Variants in STXBP6 observed in about 807,000 individuals in gnomAD.
STXBP6 encodes syntaxin binding protein 6, also known as syntaxin-binding protein 6.
Under a neutral mutation model 26.9 loss-of-function variants are expected in STXBP6, and 21 were observed. The ratio of observed to expected loss-of-function variants is 0.78; its 90% CI spans 0.55 to 1.12. The LOEUF (loss-of-function observed/expected upper bound fraction) is 1.12. Among genes scored for constraint, STXBP6 ranks in the 50% most tolerant of loss-of-function variants. The pLI, the probability that STXBP6 is intolerant of heterozygous loss-of-function variation, is 0.00. For synonymous variants in STXBP6, 97 were observed against 92.6 expected (o/e 1.05, Z -0.27); for missense variants, 232 against 257.9 (o/e 0.90, Z 0.69).
At chr14:24,818,026 T>C (rs1341865856) in intron 5 of STXBP6, 1 of 456,536 alleles carries the variant, frequency 2.2e-6, no homozygotes, top group Non-Finnish European at 4.4e-6. Context: ...TTCTTCTCAT[T>C]GCTTTTTAGG....
At chr14:24,892,466 A>C (rs776340470) in intron 2 of STXBP6, among the ~76,000 whole-genome samples, 2 of 151,924 alleles carry the variant, frequency 1.3e-5, no homozygotes, top group Non-Finnish European at 2.9e-5. Context: ...TCAAGGGGGG[A>C]AATAATTCTG....
At chr14:24,929,882 T>G (rs765811756) in intron 2 of STXBP6, among the ~76,000 whole-genome samples, 2 of 152,156 alleles carry the variant, frequency 1.3e-5, no homozygotes, top group African/African-American at 2.4e-5. Context: ...GCAGAAGGGG[T>G]AGCAGTACCA....
chr14:24,926,413 T>C (rs972876679), intron 2 of STXBP6, among the ~76,000 whole-genome samples: 3 of 152,122 alleles, frequency 2.0e-5, no homozygotes, highest in Non-Finnish European at 4.4e-5. Context: ...CATGTAGAAA[T>C]GGCACGGGAT....
At chr14:24,931,116 T>A (rs2072375967) in intron 2 of STXBP6, among the ~76,000 whole-genome samples, 1 of 12,700 alleles carries the variant, frequency 7.9e-5, no homozygotes, top group Non-Finnish European at 1.2e-4. Context: ...AGACTCCGTC[T>A]CAAAAAAAAA....
intron 1 of STXBP6, among the ~76,000 whole-genome samples, chr14:25,043,758 T>C (rs191143588): frequency 2.6e-5 from 4 of 152,356 alleles, no homozygotes; most frequent in African/African-American, 9.6e-5. Context: ...ATCAATGTTG[T>C]AGCATGAATC....
At chr14:25,029,472 TAA>T (rs1379364531) in intron 1 of STXBP6, among the ~76,000 whole-genome samples, 1 of 152,154 alleles carries the variant, frequency 6.6e-6, no homozygotes, top group Non-Finnish European at 1.5e-5. Context: ...ACTGGACACT[TAA>T]TAGACTTCAG....
chr14:24,879,690 T>C (rs1245792331), intron 2 of STXBP6, among the ~76,000 whole-genome samples: 2 of 152,046 alleles, frequency 1.3e-5, no homozygotes, highest in African/African-American at 4.8e-5. Flanking sequence ...TCCTCTCCTT[T>C]TAATGTTTCT....
At chr14:24,976,042 C>T (rs1422452971) in intron 1 of STXBP6, among the ~76,000 whole-genome samples, 1 of 152,186 alleles carries the variant, frequency 6.6e-6, no homozygotes, top group African/African-American at 2.4e-5. Flanking sequence ...AAGAGTTGAT[C>T]AGACTGCTGT....
intron 1 of STXBP6, among the ~76,000 whole-genome samples, chr14:25,018,947 G>T (rs1386109623): frequency 1.3e-5 from 2 of 152,132 alleles, no homozygotes; most frequent in Non-Finnish European, 2.9e-5. Context: ...GGAGGCTAGG[G>T]CTCCTTGGCT....
At chr14:25,013,995 A>C (rs1295851937) in intron 1 of STXBP6, among the ~76,000 whole-genome samples, 1 of 152,208 alleles carries the variant, frequency 6.6e-6, no homozygotes, top group African/African-American at 2.4e-5. Context: ...TCTTTTAGAG[A>C]TGTGTACCCA....
At chr14:24,951,051 C>T (rs2073152381) in intron 2 of STXBP6, among the ~76,000 whole-genome samples, 1 of 152,110 alleles carries the variant, frequency 6.6e-6, no homozygotes, top group African/African-American at 2.4e-5. Flanking sequence ...CATCCACGTC[C>T]CTGCAAAGGA....
intron 1 of STXBP6, among the ~76,000 whole-genome samples, chr14:25,000,754 C>A (rs559437548): frequency 3.3e-5 from 5 of 150,862 alleles, no homozygotes; most frequent in African/African-American, 9.7e-5. Context: ...CCAGAGAGAA[C>A]CCTGCCCCAC....
intron 2 of STXBP6, among the ~76,000 whole-genome samples, chr14:24,974,157 A>T (rs17109382): frequency 0.11 from 17,432 of 152,226 alleles, 1,085 homozygotes; most frequent in African/African-American, 0.14. Context: ...TCTTCTTGAC[A>T]AGGCAATGGC....
chr14:24,928,721 G>A (rs1304005351), intron 2 of STXBP6, among the ~76,000 whole-genome samples: 1 of 152,146 alleles, frequency 6.6e-6, no homozygotes, highest in African/African-American at 2.4e-5. Context: ...AGTCAGGCTT[G>A]CAGCTGTTCT....
rs530226336 is a variant in STXBP6, at chr14:24,894,492, G to T, written c.155-37335C>A. Among the ~76,000 whole-genome samples the T allele has an allele frequency of 5.9e-5, 9 of 152,232 alleles. No homozygotes were observed. The East Asian group carries it at 1.5e-3, about 26-fold the overall frequency. On this transcript the variant is annotated intron_variant, in intron 2 of 5. Transcript: ENST00000323944. ...TGGACTAGAGATAGTGTAGTTAACT[G>T]GGGGAGAACCAGGAAAGGTCAGTGT...
intron 4 of STXBP6, among the ~76,000 whole-genome samples, chr14:24,834,795 G>A (rs2068563316): frequency 6.6e-6 from 1 of 152,120 alleles, no homozygotes; most frequent in African/African-American, 2.4e-5. Flanking sequence ...AGAAGGGCTT[G>A]GTAGAGATGA....
intron 4 of STXBP6, 64 bp from the exon 5 acceptor site, chr14:24,819,258 G>T (rs781584588): frequency 6.3e-7 from 1 of 1,593,450 alleles, no homozygotes; most frequent in Non-Finnish European, 8.6e-7. Context: ...CCAGACTCCG[G>T]CAGGGTGAGT....
intron 2 of STXBP6, among the ~76,000 whole-genome samples, chr14:24,898,432 A>C (rs1051650022): frequency 2.6e-5 from 4 of 152,218 alleles, no homozygotes; most frequent in African/African-American, 9.6e-5. Context: ...TAATCCCAGC[A>C]CTTTGGGAGG....
chr14:24,855,789 C>T (rs2069306780), intron 4 of STXBP6, 147 bp downstream of exon 4: 1 of 656,206 alleles, frequency 1.5e-6, no homozygotes, highest in Non-Finnish European at 2.4e-6. Context: ...AATAAACTCC[C>T]TGGAATGGTT....
Sources: allele counts gnomAD v4.1 joint callset (sites outside exome capture counted in the v4.1 genomes callset), GRCh38; gene constraint gnomAD v4.1.1; transcripts MANE v1.5; gene names NCBI Gene and HGNC (gene_info 2026-07-23, HGNC 2026-07-21).